Variants in LY6S observed in about 807,000 individuals in gnomAD.
LY6S encodes the protein lymphocyte antigen 6S.
chr8:143,044,736 C>G, the LY6S span: 1 of 1,367,448 alleles, frequency 7.3e-7, no homozygotes, highest in Non-Finnish European at 9.8e-7. Flanking sequence ...GGAAGGGGCA[C>G]GAGACCACGC....
the LY6S span, among the ~76,000 whole-genome samples, chr8:143,061,837 C>G: frequency 2.6e-5 from 4 of 152,214 alleles, no homozygotes; most frequent in African/African-American, 9.7e-5. Flanking sequence ...AGTCACCACA[C>G]CTGGCCAGGT....
chr8:143,042,681 C>T, the LY6S span, among the ~76,000 whole-genome samples: 1 of 152,192 alleles, frequency 6.6e-6, no homozygotes, highest in Non-Finnish European at 1.5e-5. Flanking sequence ...GCCAGCAGGG[C>T]CCCCTGGGAC....
At chr8:143,044,530 G>GGCCCCCC in the LY6S span, 1 of 197,898 alleles carries the variant, frequency 5.1e-6, no homozygotes, top group Non-Finnish European at 9.8e-6. Context: ...TGCCCGCCAT[G>GGCCCCCC]CCCACCCCAC....
the LY6S span, chr8:143,066,612 G>C: frequency 4.4e-6 from 1 of 227,360 alleles, no homozygotes; most frequent in African/African-American, 2.3e-5. Flanking sequence ...CCGGAAAGAG[G>C]ACAGTTGTTC....
the LY6S span, chr8:143,065,771 CTCTT>C: frequency 2.9e-5 from 2 of 67,930 alleles, no homozygotes; most frequent in East Asian, 1.3e-3. Context: ...TCTTTCTTTT[CTCTT>C]TCTTTCTTTT....
chr8:143,069,394 TA>T, the LY6S span, among the ~76,000 whole-genome samples: 1 of 152,238 alleles, frequency 6.6e-6, no homozygotes, highest in East Asian at 1.9e-4. Context: ...TTTCTCACCG[TA>T]AATACTCTCT....
At chr8:143,063,380 G>A in the LY6S span, among the ~76,000 whole-genome samples, 16 of 152,136 alleles carry the variant, frequency 1.1e-4, no homozygotes, top group Admixed American at 3.3e-4. Context: ...AGAGGATTGC[G>A]GTCTCCATGC....
the LY6S span, among the ~76,000 whole-genome samples, chr8:143,043,955 A>G: frequency 6.6e-6 from 1 of 152,186 alleles, no homozygotes; most frequent in African/African-American, 2.4e-5. Flanking sequence ...GACTACAGTC[A>G]TGAGCCACCG....
chr8:143,071,547 G>A, the LY6S span, among the ~76,000 whole-genome samples: 4 of 152,216 alleles, frequency 2.6e-5, no homozygotes, highest in Non-Finnish European at 5.9e-5. Context: ...TAGGAGAAAT[G>A]TGAGACAGGG....
At chr8:143,052,821 A>G in the LY6S span, among the ~76,000 whole-genome samples, 2 of 152,218 alleles carry the variant, frequency 1.3e-5, no homozygotes, top group South Asian at 2.1e-4. Context: ...TCTGTCATCT[A>G]TCGCGTTCAT....
the LY6S span, among the ~76,000 whole-genome samples, chr8:143,051,971 CAA>C: frequency 1.3e-5 from 1 of 78,254 alleles, no homozygotes; most frequent in Admixed American, 1.5e-4. Flanking sequence ...GACTCTGTCT[CAA>C]AAAAAAAAAA....
the LY6S span, among the ~76,000 whole-genome samples, chr8:143,073,643 T>TC: frequency 1.8e-5 from 2 of 113,770 alleles, no homozygotes; most frequent in African/African-American, 3.9e-5. Flanking sequence ...TCCCCGGGGC[T>TC]CCTGTTTGAG....
chr8:143,065,212 G>T, the LY6S span, among the ~76,000 whole-genome samples: 2 of 152,174 alleles, frequency 1.3e-5, no homozygotes, highest in Non-Finnish European at 2.9e-5. Context: ...AAGCCCTGCT[G>T]CTTCCCTGTA....
At chr8:143,052,235 C>T in the LY6S span, among the ~76,000 whole-genome samples, 8 of 152,114 alleles carry the variant, frequency 5.3e-5, no homozygotes, top group East Asian at 9.7e-4. Context: ...GAGCCGAGAT[C>T]GCACCACTGC....
At chr8:143,066,530 G>A in the LY6S span, 1 of 283,474 alleles carries the variant, frequency 3.5e-6, no homozygotes, top group Non-Finnish European at 7.1e-6. Context: ...CAGCGAATCG[G>A]CTGCACATGG....
At chr8:143,044,949 C>T in the LY6S span, 2 of 770,134 alleles carry the variant, frequency 2.6e-6, no homozygotes, top group Non-Finnish European at 1.8e-6. Context: ...GCCCCACACA[C>T]CTGCCTGCAA....
the LY6S span, chr8:143,065,794 T>TC: frequency 3.5e-5 from 4 of 115,858 alleles, no homozygotes; most frequent in Non-Finnish European, 5.1e-5. Flanking sequence ...TTTCTTTCTT[T>TC]CTTTCTTTCT....
chr8:143,046,299 C>T, the LY6S span, among the ~76,000 whole-genome samples: 1 of 152,108 alleles, frequency 6.6e-6, no homozygotes, highest in South Asian at 2.1e-4. Flanking sequence ...GAGAGGAGGC[C>T]AGGCACGGTG....
chr8:143,068,663 T>C, the LY6S span, among the ~76,000 whole-genome samples: 1 of 152,210 alleles, frequency 6.6e-6, no homozygotes, highest in East Asian at 1.9e-4. Context: ...AAAATTTTCT[T>C]GTCTCAGTTC....
Sources: gnomAD v4.1 joint callset for allele counts (sites outside exome capture counted in the v4.1 genomes callset) on GRCh38, gnomAD v4.1.1 for gene constraint, MANE v1.5 for transcripts, NCBI Gene and HGNC (gene_info 2026-07-23, HGNC 2026-07-21) for gene names.